SUCLG2: variants seen among roughly 807,000 people sequenced by gnomAD.
SUCLG2 encodes the protein succinate-CoA ligase GDP-forming subunit beta.
Under a neutral mutation model 47.9 loss-of-function variants are expected in SUCLG2, and 42 were observed. The observed-to-expected ratio is 0.88, with a 90% CI of 0.69 to 1.14. The LOEUF is 1.14. Among genes scored for constraint, SUCLG2 ranks in the 50% most tolerant of loss-of-function variants. The pLI is 0.00. For synonymous variants in SUCLG2, 195 were observed against 197.3 expected, an observed-to-expected ratio of 0.99 and a Z score of 0.10; for missense variants, 571 against 525.9, an observed-to-expected ratio of 1.09 and a Z score of -0.84.
rs894482409 is a variant in SUCLG2 at position 67,560,290 on chromosome 3, C to G, written c.227-31104G>C. Among the ~76,000 whole-genome samples, 5 of 152,162 alleles carry G rather than the reference C, an allele frequency of 3.3e-5. 1 individual carries two copies. In the East Asian group the frequency reaches 5.8e-4, roughly 18 times the overall value. On this transcript the variant is annotated intron_variant, in intron 2 of 10. Coordinates refer to ENST00000307227, the MANE Select transcript of SUCLG2 (RefSeq NM_003848.4). ...TAAAAAATGAGAAATTTGGGAGACTCTGCTTCACAGCCTCAGAAGGGCCAA... is the reference window on the plus strand; with the variant it reads ...TAAAAAATGAGAAATTTGGGAGACTGTGCTTCACAGCCTCAGAAGGGCCAA...
At chr3:67,449,895 G>A (rs1704014252) in intron 9 of SUCLG2, among the ~76,000 whole-genome samples, 1 of 152,162 alleles carries the variant, frequency 6.6e-6, no homozygotes, top group African/African-American at 2.4e-5. Context: ...TTACAGGCAT[G>A]AGACACTGCA....
chr3:67,428,165 T>C (rs1559522297), intron 9 of SUCLG2, among the ~76,000 whole-genome samples: 1 of 152,268 alleles, frequency 6.6e-6, no homozygotes, highest in South Asian at 2.1e-4. Context: ...CCCTGACCCC[T>C]GAGTAGCCTA....
intron 2 of SUCLG2, among the ~76,000 whole-genome samples, chr3:67,590,407 C>T (rs1708128657): frequency 6.6e-6 from 1 of 151,970 alleles, no homozygotes; most frequent in African/African-American, 2.4e-5. Context: ...ACTGTAATTC[C>T]CAATGTTGGA....
At chr3:67,408,840 A>G (rs1702872740) in intron 9 of SUCLG2, 1 of 1,422,692 alleles carries the variant, frequency 7.0e-7, no homozygotes, top group Non-Finnish European at 9.1e-7. Context: ...CAATGGTGTC[A>G]AGATTTAAAT....
Position 67,463,795 on chromosome 3 carries a change from T to A in SUCLG2, c.1062+32003A>T, listed in dbSNP as rs574716430. 1.1e-4 allele frequency among the ~76,000 whole-genome samples: 17 copies of A among 152,256 alleles called. No homozygotes were observed. The South Asian group carries it at 3.5e-3, about 32-fold the overall frequency. ...GAGATTATGCCAGGGCCGGGGGCCG[T>A]CTTGAAATAAAGAGAAAGAAAGTGT... On this transcript the variant is annotated intron_variant, in intron 9 of 10. Transcript: ENST00000307227.
In SUCLG2 at chr3:67,595,648, G is replaced by A. The variant is rs140352259; in HGVS notation, c.226+13807C>T. On this transcript the variant is annotated intron_variant, in intron 2 of 10. Coordinates refer to ENST00000307227, the MANE Select transcript of SUCLG2 (RefSeq NM_003848.4). ...GACTGTTTCTCTATCACTCTGAGAAGCTCCATTGTGCCTGGGCCTCTTAGA... is the reference window on the plus strand; with the variant it reads ...GACTGTTTCTCTATCACTCTGAGAAACTCCATTGTGCCTGGGCCTCTTAGA... Among the ~76,000 whole-genome samples, 314 of 152,268 alleles carry A rather than the reference G, an allele frequency of 2.1e-3. 1 individual carries two copies. Among genetic ancestry groups the A allele is most frequent in the African/African-American group, 7.1e-3 (295 of 41,548 alleles).
intron 2 of SUCLG2, among the ~76,000 whole-genome samples, chr3:67,543,092 A>G (rs1278541045): frequency 6.6e-6 from 1 of 152,236 alleles, no homozygotes; most frequent in Non-Finnish European, 1.5e-5. Flanking sequence ...CAGCAAATGC[A>G]AAAGAATGGA....
At chr3:67,577,145 C>A (rs1159296256) in intron 2 of SUCLG2, among the ~76,000 whole-genome samples, 1 of 152,018 alleles carries the variant, frequency 6.6e-6, no homozygotes, top group African/African-American at 2.4e-5. Context: ...CTCATCTCTA[C>A]TAAAAAGTAC....
intron 9 of SUCLG2, among the ~76,000 whole-genome samples, chr3:67,443,703 G>A (rs1321296946): frequency 1.1e-4 from 10 of 87,600 alleles, no homozygotes; most frequent in East Asian, 4.5e-4. Flanking sequence ...CTGCCCCGCC[G>A]CCCCATCTGG....
In SUCLG2 at chr3:67,543,444, G is replaced by A. The variant is rs56067370; in HGVS notation, c.227-14258C>T. Among the ~76,000 whole-genome samples the A allele has an allele frequency of 6.2e-4, 94 of 151,976 alleles. 1 individual carries two copies. The highest frequency in any genetic ancestry group is 2.2e-3 in the African/African-American group (92 of 41,456). On this transcript the variant is annotated intron_variant, in intron 2 of 10. Coordinates refer to ENST00000307227, the MANE Select transcript of SUCLG2 (RefSeq NM_003848.4). ...TGATTTGGGAGGCTGAGACAGGTGG[G>A]TTGCTTGAGCCCAGGAGTTCGAGAC... is the stretch of plus-strand genomic sequence containing the variant.
At chr3:67,596,492 G>A (rs1020349219) in intron 2 of SUCLG2, among the ~76,000 whole-genome samples, 1 of 152,092 alleles carries the variant, frequency 6.6e-6, no homozygotes, top group Non-Finnish European at 1.5e-5. Flanking sequence ...CTTCCAAGAA[G>A]GCTTCCCTGA....
At chr3:67,473,133 T>C (rs1270141130) in intron 9 of SUCLG2, among the ~76,000 whole-genome samples, 2 of 152,254 alleles carry the variant, frequency 1.3e-5, no homozygotes, top group South Asian at 2.1e-4. Flanking sequence ...ATAAGTCAAA[T>C]TTTAATAGTT....
chr3:67,625,176 G>C (rs998598006), intron 1 of SUCLG2, among the ~76,000 whole-genome samples: 3 of 152,206 alleles, frequency 2.0e-5, no homozygotes, highest in African/African-American at 7.2e-5. Flanking sequence ...AAGGATCAAA[G>C]TATGCTGTAA....
At chr3:67,534,768 CAAAAAAAAAAAAA>C (rs60612549) in intron 2 of SUCLG2, among the ~76,000 whole-genome samples, 504 of 34,970 alleles carry the variant, frequency 0.014, 8 homozygotes, top group African/African-American at 0.035. Context: ...ACACTGATGG[CAAAAAAAAAAAAA>C]AAAAAAAAAA....
At chr3:67,361,566 T>A (rs571628466) in intron 10 of SUCLG2, among the ~76,000 whole-genome samples, 24 of 152,266 alleles carry the variant, frequency 1.6e-4, no homozygotes, top group African/African-American at 5.5e-4. Context: ...ACCCTCGACT[T>A]GAAAATGGGC....
At chr3:67,403,527 C>T (rs1218481527) in intron 9 of SUCLG2, among the ~76,000 whole-genome samples, 2 of 73,384 alleles carry the variant, frequency 2.7e-5, no homozygotes, top group Non-Finnish European at 5.8e-5. Context: ...TCATCACTGT[C>T]CTCAGGGAAG....
intron 1 of SUCLG2, among the ~76,000 whole-genome samples, chr3:67,639,909 T>C (rs1701070707): frequency 6.6e-6 from 1 of 152,242 alleles, no homozygotes; most frequent in East Asian, 1.9e-4. Flanking sequence ...ACACAATTCT[T>C]GCTACATCTA....
At chr3:67,426,661 GGCTCACACCTGTAA>G (rs1703308253) in intron 9 of SUCLG2, among the ~76,000 whole-genome samples, 1 of 152,166 alleles carries the variant, frequency 6.6e-6, no homozygotes, top group Non-Finnish European at 1.5e-5. Context: ...TGGGCGCAGT[GGCTCACACCTGTAA>G]TCCCAGCACT....
intron 6 of SUCLG2, among the ~76,000 whole-genome samples, chr3:67,511,452 T>A (rs1183656455): frequency 6.6e-6 from 1 of 152,142 alleles, no homozygotes; most frequent in South Asian, 2.1e-4. Context: ...GCTGTTCTCA[T>A]GATAGTGAGT....
Sources: gnomAD v4.1 joint callset for allele counts (sites outside exome capture counted in the v4.1 genomes callset) on GRCh38, gnomAD v4.1.1 for gene constraint, MANE v1.5 for transcripts, NCBI Gene and HGNC (gene_info 2026-07-23, HGNC 2026-07-21) for gene names.